EDAR: variants seen among roughly 807,000 people sequenced by gnomAD.
The protein encoded by EDAR is ectodysplasin A receptor.
EDAR carries 38 observed loss-of-function variants against 51.3 expected under a neutral mutation model. The ratio of observed to expected loss-of-function variants is 0.74; its 90% CI spans 0.57 to 0.97. The LOEUF is 0.97. EDAR is among the 50% of genes least tolerant of loss of function. The probability of loss-of-function intolerance (pLI) is 0.00; values close to 1 mark genes in which losing one functional copy is unlikely to be tolerated. For synonymous variants in EDAR, 227 were observed against 242.1 expected (o/e 0.94, Z 0.58); for missense variants, 528 against 595.0 (o/e 0.89, Z 1.17).
In EDAR at chr2:108,926,592, C is replaced by T. The variant is rs147420228; in HGVS notation, c.356+2606G>A. ...GAATCGCGGGGTGGTGGAGCTCCTC[C>T]GGGGTGAGGCCTGGAGAGGTGAGGA... is the stretch of plus-strand genomic sequence containing the variant. On this transcript the variant is annotated intron_variant, in intron 4 of 11. Transcript: ENST00000258443. 8.3e-3 allele frequency among the ~76,000 whole-genome samples: 1,266 copies of T among 152,312 alleles called. 19 individuals carry two copies. The highest frequency in any genetic ancestry group is 0.029 in the African/African-American group (1,201 of 41,558).
At chr2:108,910,059 C>T (rs763944130) in intron 9 of EDAR, among the ~76,000 whole-genome samples, 4 of 152,240 alleles carry the variant, frequency 2.6e-5, no homozygotes, top group Admixed American at 1.3e-4. Flanking sequence ...GTCATCACCA[C>T]GGTTGTTACC....
intron 11 of EDAR, among the ~76,000 whole-genome samples, chr2:108,897,645 T>C (rs532291745): frequency 3.9e-4 from 60 of 152,292 alleles, no homozygotes; most frequent in South Asian, 8.3e-4. Context: ...GTAGTCAACT[T>C]TGTGATGGCT....
At chr2:108,957,615 AAGAGTAGGTGCCTC>A (rs1697951317) in intron 1 of EDAR, among the ~76,000 whole-genome samples, 1 of 152,070 alleles carries the variant, frequency 6.6e-6, no homozygotes, top group South Asian at 2.1e-4. Context: ...AACGTGGGTT[AAGAGTAGGTGCCTC>A]CAACTGCATT....
chr2:108,915,614 A>G (rs1697012304), intron 5 of EDAR, among the ~76,000 whole-genome samples: 1 of 152,214 alleles, frequency 6.6e-6, no homozygotes, highest in Non-Finnish European at 1.5e-5. Flanking sequence ...TTAGGGAAAG[A>G]GCTGCCCAGG....
chr2:108,919,475 C>T (rs1697091813), intron 5 of EDAR, among the ~76,000 whole-genome samples: 1 of 152,180 alleles, frequency 6.6e-6, no homozygotes, highest in African/African-American at 2.4e-5. Flanking sequence ...TCTCCTGCCT[C>T]AGCCTCCCGA....
Position 108,910,786 on chromosome 2 carries a change from T to C in EDAR, c.720A>G (p.Lys240=). 6.2e-7 allele frequency: 1 copy of C among 1,613,242 alleles called. No homozygotes were observed. Among genetic ancestry groups the C allele is most frequent in the Non-Finnish European group, 8.5e-7 (1 of 1,179,970 alleles). Residue 240 remains lysine, a synonymous_variant, in exon 8 of 12, where the codon AAA becomes AAG. Transcript: ENST00000258443. ...CCCTGGTTCACAGACCTGGGGCCTC[T>C]TTCTTCTCCTCGTCCTTGCTCACTT... is the stretch of plus-strand genomic sequence containing the variant. ...EAQVSKDEEK[K]EAPDNVVMFS... is the part of the protein sequence containing the mutation.
chr2:108,948,173 C>T (rs1697750451), intron 1 of EDAR, among the ~76,000 whole-genome samples: 1 of 152,202 alleles, frequency 6.6e-6, no homozygotes, highest in South Asian at 2.1e-4. Flanking sequence ...TTTGCTAAAG[C>T]ATAGCAAGAG....
At chr2:108,907,556 G>T (rs1696834021) in intron 10 of EDAR, among the ~76,000 whole-genome samples, 2 of 151,970 alleles carry the variant, frequency 1.3e-5, no homozygotes, top group East Asian at 3.9e-4. Flanking sequence ...GCTGAGACAG[G>T]AGAATTGCTT....
intron 11 of EDAR, among the ~76,000 whole-genome samples, chr2:108,899,917 C>T (rs1696667976): frequency 6.6e-6 from 1 of 151,852 alleles, no homozygotes; most frequent in Non-Finnish European, 1.5e-5. Context: ...ACCTGGGAGG[C>T]GGAGGTTGCA....
At chr2:108,968,638 G>T (rs1698187791) in intron 1 of EDAR, among the ~76,000 whole-genome samples, 1 of 152,220 alleles carries the variant, frequency 6.6e-6, no homozygotes, top group South Asian at 2.1e-4. Context: ...CTAGCTACCA[G>T]GGAAGAAGTG....
chr2:108,909,623 G>A (rs1252779249), intron 9 of EDAR, among the ~76,000 whole-genome samples: 1 of 152,220 alleles, frequency 6.6e-6, no homozygotes, highest in South Asian at 2.1e-4. Flanking sequence ...CTGGCAGGGG[G>A]GTCCGAGCAC....
At chr2:108,954,782 T>C (rs956795715) in intron 1 of EDAR, among the ~76,000 whole-genome samples, 2 of 152,024 alleles carry the variant, frequency 1.3e-5, no homozygotes, top group South Asian at 4.2e-4. Context: ...TTCAAGCGAT[T>C]CTCCTGTCTC....
At chr2:108,897,371 C>G (rs183747325) in intron 11 of EDAR, 142 bp from the exon 12 acceptor site, 125 of 816,084 alleles carry the variant, frequency 1.5e-4, no homozygotes, top group Admixed American at 5.0e-4. Flanking sequence ...CCACCTAAAA[C>G]AAATGCATAA....
intron 11 of EDAR, among the ~76,000 whole-genome samples, chr2:108,900,559 A>AG (rs1696680307): frequency 2.9e-5 from 2 of 68,562 alleles, no homozygotes; most frequent in Non-Finnish European, 9.0e-5. Context: ...CCAAAAAAAA[A>AG]GAAAAAAAAA....
At chr2:108,942,667 G>A (rs1025848369) in intron 1 of EDAR, among the ~76,000 whole-genome samples, 22 of 152,250 alleles carry the variant, frequency 1.4e-4, no homozygotes, top group Admixed American at 1.3e-3. Flanking sequence ...TCAAGACGGC[G>A]GGAGCCCTGC....
chr2:108,923,286 C>A (rs113809781), intron 5 of EDAR, 82 bp downstream of exon 5: 8 of 1,354,574 alleles, frequency 5.9e-6, no homozygotes, highest in Non-Finnish European at 8.5e-6. Context: ...GGTGCCAGGA[C>A]CGGCTCTTTC....
At chr2:108,897,590 T>C (rs1696623783) in intron 11 of EDAR, among the ~76,000 whole-genome samples, 1 of 152,088 alleles carries the variant, frequency 6.6e-6, no homozygotes, top group South Asian at 2.1e-4. Context: ...GGGGCTGGGC[T>C]GAGGAGGGGT....
chr2:108,958,513 G>C (rs1255673672), intron 1 of EDAR, among the ~76,000 whole-genome samples: 1 of 151,944 alleles, frequency 6.6e-6, no homozygotes, highest in Non-Finnish European at 1.5e-5. Flanking sequence ...GCAGGGGGCA[G>C]AACAGGGGGG....
chr2:108,961,177 T>G (rs1698032811), intron 1 of EDAR, among the ~76,000 whole-genome samples: 1 of 152,104 alleles, frequency 6.6e-6, no homozygotes, highest in Non-Finnish European at 1.5e-5. Context: ...CCTGACTGGG[T>G]TTTGGAGGCC....
Sources: gnomAD v4.1 joint callset for allele counts (sites outside exome capture counted in the v4.1 genomes callset) on GRCh38, gnomAD v4.1.1 for gene constraint, MANE v1.5 for transcripts, NCBI Gene and HGNC (gene_info 2026-07-23, HGNC 2026-07-21) for gene names.